The following BMERB1 variants were observed in gnomAD, a reference collection of about 807,000 sequenced individuals.
The protein encoded by BMERB1 is bMERB domain containing 1, also known as bMERB domain-containing protein 1.
In BMERB1, 12 loss-of-function variants were observed where a neutral mutation model predicts 23.6. The observed-to-expected ratio is 0.51, with a 90% CI of 0.33 to 0.82. BMERB1 has a LOEUF of 0.82. BMERB1 is among the 40% of genes least tolerant of loss of function. The pLI, the probability that BMERB1 is intolerant of heterozygous loss-of-function variation, is 0.03. For synonymous variants in BMERB1, 122 were observed against 96.6 expected, an observed-to-expected ratio of 1.26 and a Z score of -1.54; for missense variants, 247 against 255.4, an observed-to-expected ratio of 0.97 and a Z score of 0.22.
intron 3 of BMERB1, among the ~76,000 whole-genome samples, chr16:15,568,941 G>C (rs1214228044): frequency 6.6e-6 from 1 of 152,128 alleles, no homozygotes; most frequent in Non-Finnish European, 1.5e-5. Flanking sequence ...CCCAGGCCAG[G>C]CATGGTGGCT....
intron 1 of BMERB1, among the ~76,000 whole-genome samples, chr16:15,504,812 G>A (rs1252053677): frequency 6.6e-6 from 1 of 151,530 alleles, no homozygotes; most frequent in Non-Finnish European, 1.5e-5. Flanking sequence ...ACCCAAACAA[G>A]AGAAAAGGAC....
rs146744278 is a variant in BMERB1 at position 15,513,011 on chromosome 16, C to A, written c.107-2294C>A. Among the ~76,000 whole-genome samples, 431 of 152,076 alleles carry A rather than the reference C, an allele frequency of 2.8e-3. 5 individuals carry two copies. Among genetic ancestry groups the A allele is most frequent in the African/African-American group, 9.4e-3 (388 of 41,484 alleles). On this transcript the variant is annotated intron_variant, in intron 1 of 5. Coordinates refer to ENST00000300006, the MANE Select transcript of BMERB1 (RefSeq NM_033201.3). ...TTGTAGAACTGAGGTGTGGGGTGGG[C>A]TCCATCTTGGGGGCGGGTGTGGAAG...
chr16:15,530,777 C>T lies in BMERB1; in HGVS notation c.230+15349C>T, dbSNP rs979444550. Among the ~76,000 whole-genome samples, 28 of 152,282 alleles carry T rather than the reference C, an allele frequency of 1.8e-4. 2 individuals are homozygous for T. The South Asian group carries it at 3.7e-3, about 20-fold the overall frequency. On this transcript the variant is annotated intron_variant, in intron 2 of 5. Coordinates refer to ENST00000300006, the MANE Select transcript of BMERB1 (RefSeq NM_033201.3). Reference sequence around the variant, plus strand: ...ATGGTTTTATAAGCATCTGGCATTTCCCCTGCTGGCATTCATTCTCTCTCC... The same window carrying T: ...ATGGTTTTATAAGCATCTGGCATTTTCCCTGCTGGCATTCATTCTCTCTCC...
At chr16:15,468,973 T>C (rs916315057) in intron 1 of BMERB1, among the ~76,000 whole-genome samples, 1 of 150,606 alleles carries the variant, frequency 6.6e-6, no homozygotes, top group Non-Finnish European at 1.5e-5. Flanking sequence ...CACTTTTTTT[T>C]TTTTTTTTTT....
At chr16:15,498,985 T>C (rs1355396235) in intron 1 of BMERB1, among the ~76,000 whole-genome samples, 1 of 152,256 alleles carries the variant, frequency 6.6e-6, no homozygotes, top group Non-Finnish European at 1.5e-5. Context: ...TAGCCTTGGC[T>C]CCTGCACTCA....
chr16:15,480,465 C>T (rs1196233312), intron 1 of BMERB1, among the ~76,000 whole-genome samples: 1 of 151,948 alleles, frequency 6.6e-6, no homozygotes, highest in Admixed American at 6.6e-5. Context: ...TCTCCAGTAG[C>T]TGAAGTAGTC....
intron 2 of BMERB1, among the ~76,000 whole-genome samples, chr16:15,567,760 CACAAACAA>C (rs569166381): frequency 1.1e-4 from 17 of 152,066 alleles, no homozygotes; most frequent in East Asian, 1.9e-4. Context: ...GAGACTCTGT[CACAAACAA>C]ACAAACAAAC....
intron 1 of BMERB1, 91 bp downstream of exon 1, chr16:15,434,850 A>G (rs2050873450): frequency 8.6e-7 from 1 of 1,158,390 alleles, no homozygotes; most frequent in Non-Finnish European, 1.2e-6. Flanking sequence ...GAACGCCAGC[A>G]GTGGACCCAG....
chr16:15,580,652 A>G (rs1417402568), intron 3 of BMERB1, among the ~76,000 whole-genome samples: 2 of 149,110 alleles, frequency 1.3e-5, no homozygotes, highest in African/African-American at 5.0e-5. Context: ...GGTTCATGTC[A>G]TTCTCCTGCC....
intron 1 of BMERB1, among the ~76,000 whole-genome samples, chr16:15,462,751 T>C (rs1254472184): frequency 6.6e-6 from 1 of 152,016 alleles, no homozygotes; most frequent in Non-Finnish European, 1.5e-5. Flanking sequence ...GGAGAAGCAA[T>C]TGGAAAATGA....
chr16:15,573,102 T>C (rs956496441), intron 3 of BMERB1, among the ~76,000 whole-genome samples: 3 of 152,202 alleles, frequency 2.0e-5, no homozygotes, highest in Non-Finnish European at 4.4e-5. Flanking sequence ...AACTAGGGTC[T>C]GCTTTCCTGG....
At chr16:15,435,283 G>T (rs1363093341) in intron 1 of BMERB1, among the ~76,000 whole-genome samples, 1 of 152,202 alleles carries the variant, frequency 6.6e-6, no homozygotes, top group East Asian at 1.9e-4. Context: ...GGGGTGGGAG[G>T]CTTGGGGCGG....
intron 3 of BMERB1, among the ~76,000 whole-genome samples, chr16:15,569,409 C>T (rs368782992): frequency 1.3e-5 from 2 of 151,966 alleles, no homozygotes; most frequent in East Asian, 1.9e-4. Flanking sequence ...GAGAGTGAGG[C>T]GGGAGGTGCC....
At chr16:15,444,705 C>G (rs2050974719) in intron 1 of BMERB1, among the ~76,000 whole-genome samples, 1 of 152,160 alleles carries the variant, frequency 6.6e-6, no homozygotes, top group Admixed American at 6.5e-5. Context: ...CATGGAAGAG[C>G]AGATGGTTTC....
At chr16:15,529,159 G>A (rs2051942466) in intron 2 of BMERB1, among the ~76,000 whole-genome samples, 1 of 151,986 alleles carries the variant, frequency 6.6e-6, no homozygotes, top group African/African-American at 2.4e-5. Flanking sequence ...CGAGTAGCTG[G>A]GACTACAGGC....
rs1010373074 is a variant in BMERB1 at position 15,462,633 on chromosome 16, A to T, written c.106+27874A>T. The stretch of plus-strand genomic sequence containing the variant: ...GAGAGGGGAGTGACCTGGAGAAGGG[A>T]ACAGCCTGAATGCGAACAGAAATTG... On this transcript the variant is annotated intron_variant, in intron 1 of 5. Transcript: ENST00000300006. 5.9e-5 allele frequency among the ~76,000 whole-genome samples: 9 copies of T among 152,116 alleles called. 1 individual carries two copies. Among genetic ancestry groups the T allele is most frequent in the African/African-American group, 2.2e-4 (9 of 41,424 alleles).
At chr16:15,447,978 C>T (rs1292462809) in intron 1 of BMERB1, 10 of 451,482 alleles carry the variant, frequency 2.2e-5, no homozygotes, top group Non-Finnish European at 4.4e-5. Context: ...CAACCTCCAC[C>T]TCCTGGGTTC....
intron 1 of BMERB1, among the ~76,000 whole-genome samples, chr16:15,443,512 G>C (rs548562379): frequency 5.9e-5 from 9 of 152,268 alleles, no homozygotes; most frequent in African/African-American, 2.2e-4. Flanking sequence ...CTGTACTCCA[G>C]CCTGGGCGAC....
chr16:15,569,542 G>A (rs992608771), intron 3 of BMERB1, among the ~76,000 whole-genome samples: 6 of 152,238 alleles, frequency 3.9e-5, no homozygotes, highest in South Asian at 2.1e-4. Flanking sequence ...ATCAGGCCAC[G>A]CCTCCAACAC....
Sources: gnomAD v4.1 joint callset for allele counts (sites outside exome capture counted in the v4.1 genomes callset) on GRCh38, gnomAD v4.1.1 for gene constraint, MANE v1.5 for transcripts, NCBI Gene and HGNC (gene_info 2026-07-23, HGNC 2026-07-21) for gene names.